Variants in NLGN1 observed in about 807,000 individuals in gnomAD.
The protein encoded by NLGN1 is neuroligin 1.
Under a neutral mutation model 65.5 loss-of-function variants are expected in NLGN1, and 12 were observed. The observed-to-expected ratio is 0.18, with a 90% CI of 0.12 to 0.30. The LOEUF is 0.30. NLGN1 is among the 10% of genes least tolerant of loss of function. The pLI, the probability that NLGN1 is intolerant of heterozygous loss-of-function variation, is 1.00. For synonymous variants in NLGN1, 350 were observed against 359.5 expected (o/e 0.97, Z 0.30); for missense variants, 750 against 1,007.1 (o/e 0.74, Z 3.46).
At chr3:173,885,743 A>G (rs899527979) in intron 4 of NLGN1, among the ~76,000 whole-genome samples, 5 of 152,130 alleles carry the variant, frequency 3.3e-5, no homozygotes, top group African/African-American at 1.2e-4. Context: ...AGCAGAGAAA[A>G]CACAAAGAAG....
intron 4 of NLGN1, among the ~76,000 whole-genome samples, chr3:173,837,321 G>C (rs1723823107): frequency 6.6e-6 from 1 of 152,016 alleles, no homozygotes; most frequent in Non-Finnish European, 1.5e-5. Context: ...ATATACTTTA[G>C]AGTAACATTT....
chr3:173,923,150 A>G (rs79014796), intron 4 of NLGN1, among the ~76,000 whole-genome samples: 2 of 152,202 alleles, frequency 1.3e-5, no homozygotes, highest in East Asian at 3.9e-4. Context: ...TTTTAAGTCT[A>G]TGAGTCTTAA....
At chr3:173,797,700 A>AAC (rs199763704) in intron 3 of NLGN1, among the ~76,000 whole-genome samples, 4 of 138,088 alleles carry the variant, frequency 2.9e-5, no homozygotes, top group African/African-American at 9.4e-5. Flanking sequence ...CAACAACAAC[A>AAC]AAAAAAAACA....
chr3:173,781,886 G>A (rs1781221289), intron 3 of NLGN1, among the ~76,000 whole-genome samples: 1 of 152,164 alleles, frequency 6.6e-6, no homozygotes, highest in Non-Finnish European at 1.5e-5. Flanking sequence ...ACTGGACAAT[G>A]TTATATGCCT....
intron 2 of NLGN1, among the ~76,000 whole-genome samples, chr3:173,477,125 T>C (rs1726358624): frequency 6.6e-6 from 1 of 152,172 alleles, no homozygotes; most frequent in Non-Finnish European, 1.5e-5. Context: ...AGATCTGGAC[T>C]AGAAATGGGA....
At chr3:174,123,290 G>T (rs1032308001) in intron 4 of NLGN1, among the ~76,000 whole-genome samples, 1 of 152,134 alleles carries the variant, frequency 6.6e-6, no homozygotes, top group African/African-American at 2.4e-5. Flanking sequence ...ATTGGGATTT[G>T]TTGCTGGTGA....
In NLGN1 at chr3:173,917,431, C is replaced by T. The variant is rs554290481; in HGVS notation, c.646+109599C>T. Among the ~76,000 whole-genome samples, 13 of 152,184 alleles carry T rather than the reference C, an allele frequency of 8.5e-5. No homozygotes were observed. In the South Asian group the frequency reaches 2.7e-3, roughly 32 times the overall value. ...TATTTGATAGTGATTGGCATAACAC[C>T]AGGAACATAATCAATATTCATTACA... On this transcript the variant is annotated intron_variant, in intron 4 of 6. Transcript: ENST00000457714.
rs898597630 is a variant in NLGN1 at position 174,172,155 on chromosome 3, T to C, written c.647-103160T>C. Among the ~76,000 whole-genome samples, 5 of 152,184 alleles carry C rather than the reference T, an allele frequency of 3.3e-5. No homozygotes were observed. In the East Asian group the frequency reaches 9.7e-4, roughly 29 times the overall value. On this transcript the variant is annotated intron_variant, in intron 4 of 6. Coordinates refer to ENST00000457714, the Ensembl canonical transcript of NLGN1. ...GGGTTTTTAAATTTTCATATGATCA[T>C]AGTCATATGTCATATGTCATAGATC...
chr3:173,992,982 G>T (rs1183229892), intron 4 of NLGN1, among the ~76,000 whole-genome samples: 6 of 152,168 alleles, frequency 3.9e-5, no homozygotes, highest in Non-Finnish European at 1.5e-5. Context: ...ATTAATGATT[G>T]TGTGGCGTAA....
At chr3:173,815,332 C>G (rs995427675) in intron 4 of NLGN1, among the ~76,000 whole-genome samples, 2 of 152,088 alleles carry the variant, frequency 1.3e-5, no homozygotes, top group Non-Finnish European at 2.9e-5. Context: ...TGGTCTCAAT[C>G]TCCTGACCTC....
intron 3 of NLGN1, among the ~76,000 whole-genome samples, chr3:173,688,277 T>A (rs897723554): frequency 1.3e-5 from 2 of 152,228 alleles, no homozygotes; most frequent in Non-Finnish European, 2.9e-5. Flanking sequence ...TCTTAAATAG[T>A]GACACAAGGA....
At chr3:173,815,409 A>G (rs913146273) in intron 4 of NLGN1, among the ~76,000 whole-genome samples, 18 of 151,974 alleles carry the variant, frequency 1.2e-4, no homozygotes, top group Admixed American at 5.9e-4. Flanking sequence ...ACCCAGCCCC[A>G]TTTCTTATAC....
At chr3:173,782,691 C>CT (rs5854538) in intron 3 of NLGN1, among the ~76,000 whole-genome samples, 98,056 of 144,522 alleles carry the variant, frequency 0.68, 33,791 homozygotes, top group Non-Finnish European at 0.76. Context: ...CAAAGCTTAC[C>CT]TTTTTTTTTT....
chr3:173,671,723 A>G (rs967319864), intron 3 of NLGN1, among the ~76,000 whole-genome samples: 1 of 152,202 alleles, frequency 6.6e-6, no homozygotes. Context: ...GGAGGCACTG[A>G]TATTTCAAGT....
At chr3:173,947,867 A>G (rs1349640857) in intron 4 of NLGN1, among the ~76,000 whole-genome samples, 2 of 152,346 alleles carry the variant, frequency 1.3e-5, no homozygotes, top group East Asian at 1.9e-4. Flanking sequence ...TATCTAGTCA[A>G]TTGGAGTAAT....
At chr3:173,546,581 T>C (rs1242853631) in intron 2 of NLGN1, among the ~76,000 whole-genome samples, 2 of 152,190 alleles carry the variant, frequency 1.3e-5, no homozygotes, top group Non-Finnish European at 2.9e-5. Flanking sequence ...ACATAAATTA[T>C]ATTCCACTAG....
Position 174,234,985 on chromosome 3 carries a change from CTTTTTTTTTTTTTTT to C in NLGN1, c.647-40314_647-40300del, listed in dbSNP as rs748911027. 3.2e-4 allele frequency among the ~76,000 whole-genome samples: 21 copies of C among 65,750 alleles called. No individual in the cohort carries two copies. The South Asian group carries it at 7.1e-3, about 22-fold the overall frequency. The allele number at this position is 65,750 out of a possible 152,430, so 43.1% of individuals were successfully genotyped here. ...GAGCTTTGTAAAATAAAGGAATCAC[CTTTTTTTTTTTTTTT>C]TTTTTTTTTTTTTTTGTAAATAAGA... On this transcript the variant is annotated intron_variant, in intron 4 of 6. Transcript: ENST00000457714.
At chr3:173,740,763 C>T (rs774959164) in intron 3 of NLGN1, among the ~76,000 whole-genome samples, 1 of 151,930 alleles carries the variant, frequency 6.6e-6, no homozygotes. Flanking sequence ...GTGTTTAATT[C>T]TTGGATGATG....
At chr3:174,008,336 A>G (rs1579729952) in intron 4 of NLGN1, among the ~76,000 whole-genome samples, 1 of 149,186 alleles carries the variant, frequency 6.7e-6, no homozygotes, top group South Asian at 2.2e-4. Flanking sequence ...AGATGGGAAT[A>G]ATATCCAACC....
Sources: gnomAD v4.1 joint callset for allele counts (sites outside exome capture counted in the v4.1 genomes callset) on GRCh38, gnomAD v4.1.1 for gene constraint, MANE v1.5 for transcripts, NCBI Gene and HGNC (gene_info 2026-07-23, HGNC 2026-07-21) for gene names.